Variants in SLC30A7 observed in about 807,000 individuals in gnomAD.
The protein encoded by SLC30A7 is solute carrier family 30 member 7.
A neutral mutation model predicts 46.0 loss-of-function variants in SLC30A7; 35 were observed. The ratio of observed to expected loss-of-function variants is 0.76; its 90% confidence interval spans 0.58 to 1.01. The LOEUF (loss-of-function observed/expected upper bound fraction) is 1.01, where lower values mean the gene tolerates loss of function less well. SLC30A7 is among the 50% of genes least tolerant of loss of function. The probability of loss-of-function intolerance (pLI) is 0.00; values close to 1 mark genes in which losing one functional copy is unlikely to be tolerated. For synonymous variants in SLC30A7, 147 were observed against 157.8 expected (o/e 0.93, Z 0.51); for missense variants, 464 against 451.1 (o/e 1.03, Z -0.26).
Position 100,961,873 on chromosome 1 carries a change from A to T in SLC30A7, c.888A>T (p.Arg296Ser). The change falls in exon 9 of 11, where the codon AGA becomes AGT. Residue 296 changes from arginine (R) to serine (S), a missense_variant. Transcript: ENST00000357650. Reference protein sequence around the residue: ...LRESVGILMQRTPPLLENSLP... With the variant: ...LRESVGILMQSTPPLLENSLP... ...AATCTGTTGGAATATTAATGCAGAG[A>T]ACTCCTCCCCTATTAGAAAATAGTC... The T allele has an allele frequency of 6.2e-7, 1 of 1,608,696 alleles. No homozygotes were observed. Among genetic ancestry groups the T allele is most frequent in the Non-Finnish European group, 8.5e-7 (1 of 1,176,558 alleles).
At chr1:100,959,516 C>G (rs1655422921) in intron 8 of SLC30A7, among the ~76,000 whole-genome samples, 1 of 152,152 alleles carries the variant, frequency 6.6e-6, no homozygotes, top group Admixed American at 6.5e-5. Flanking sequence ...TGAGCTCACT[C>G]AAGTGGTTAC....
At chr1:100,983,894 C>T (rs1287069973), downstream of SLC30A7, among the ~76,000 whole-genome samples, 1 of 152,200 alleles carries the variant, frequency 6.6e-6, no homozygotes, top group African/African-American at 2.4e-5. Context: ...GATTAGCCGT[C>T]GCTGTCTTCC....
chr1:100,905,556 C>T (rs1651602209), intron 2 of SLC30A7, among the ~76,000 whole-genome samples: 1 of 151,936 alleles, frequency 6.6e-6, no homozygotes, highest in Non-Finnish European at 1.5e-5. Flanking sequence ...TTTGATACGT[C>T]CAGACAGGTT....
At position 100,921,757 on chromosome 1, in the gene SLC30A7, C is replaced by T; in HGVS notation, c.758C>T (p.Ala253Val). Residue 253 changes from alanine (A) to valine (V), a missense_variant, in exon 8 of 11, where the codon GCT becomes GTT. By Grantham distance (64) the Ala-to-Val change is moderately conservative (BLOSUM62 0). Coordinates refer to ENST00000357650, the MANE Select transcript of SLC30A7 (RefSeq NM_133496.5). ...ADTLGSIGVI[A>V]SAIMMQNFGL... ...ACACTTGGAAGTATTGGTGTAATTGCTTCTGCCATCATGATGCAAAATTTT... is the reference window on the plus strand; with the variant it reads ...ACACTTGGAAGTATTGGTGTAATTGTTTCTGCCATCATGATGCAAAATTTT... 1 of 1,612,484 alleles carries T rather than the reference C, an allele frequency of 6.2e-7. No homozygotes were observed. The highest frequency in any genetic ancestry group is 1.1e-5 in the South Asian group (1 of 91,046).
intron 9 of SLC30A7, among the ~76,000 whole-genome samples, chr1:100,965,048 T>C (rs553777275): frequency 6.6e-4 from 101 of 152,320 alleles, no homozygotes; most frequent in African/African-American, 2.4e-3. Flanking sequence ...CCCAGGTAGA[T>C]TATGTAAAAA....
chr1:100,915,205 C>CT (rs1399202409), intron 6 of SLC30A7, among the ~76,000 whole-genome samples: 3,774 of 110,496 alleles, frequency 0.034, 71 homozygotes, highest in Middle Eastern at 0.078. Context: ...TTCTTTCTTT[C>CT]TTTCTTTCTT....
At chr1:100,900,862 A>G (rs776890719) in intron 2 of SLC30A7, among the ~76,000 whole-genome samples, 5 of 152,184 alleles carry the variant, frequency 3.3e-5, no homozygotes, top group Non-Finnish European at 7.4e-5. Flanking sequence ...ATATAAATAT[A>G]CCGTTAGCTT....
chr1:100,931,222 T>G (rs1254784490), intron 8 of SLC30A7, among the ~76,000 whole-genome samples: 2 of 152,292 alleles, frequency 1.3e-5, no homozygotes, highest in Non-Finnish European at 2.9e-5. Context: ...CCTCAACACT[T>G]TCTTAGGATC....
At chr1:100,956,392 G>A (rs1268362104) in intron 8 of SLC30A7, among the ~76,000 whole-genome samples, 4 of 152,136 alleles carry the variant, frequency 2.6e-5, no homozygotes, top group African/African-American at 9.7e-5. Context: ...TTTTTAAAAA[G>A]GTGGTGGCAG....
chr1:100,947,548 T>G (rs1426818099), intron 8 of SLC30A7, among the ~76,000 whole-genome samples: 1 of 152,096 alleles, frequency 6.6e-6, no homozygotes, highest in African/African-American at 2.4e-5. Flanking sequence ...GGGTGGAGAG[T>G]TCTGTAGATG....
At chr1:100,908,930 G>T (rs1307361160) in intron 3 of SLC30A7, among the ~76,000 whole-genome samples, 1 of 152,026 alleles carries the variant, frequency 6.6e-6, no homozygotes, top group Non-Finnish European at 1.5e-5. Flanking sequence ...ATGGTTTTTA[G>T]AAATAGCTTT....
the SLC30A7 span, among the ~76,000 whole-genome samples, chr1:100,987,981 A>T: frequency 6.6e-6 from 1 of 152,158 alleles, no homozygotes. Context: ...TCAGAATTCA[A>T]ACTTGAAACT....
chr1:100,962,537 T>A (rs978842981), intron 9 of SLC30A7, among the ~76,000 whole-genome samples: 1 of 152,190 alleles, frequency 6.6e-6, no homozygotes, highest in Non-Finnish European at 1.5e-5. Flanking sequence ...GGATTTAATT[T>A]GTGTTTGAAG....
At chr1:100,954,972 AG>A (rs1185845130) in intron 8 of SLC30A7, among the ~76,000 whole-genome samples, 1 of 152,042 alleles carries the variant, frequency 6.6e-6, no homozygotes, top group Non-Finnish European at 1.5e-5. Flanking sequence ...TTGTGTTTGT[AG>A]ATTGTAAGAA....
intron 5 of SLC30A7, among the ~76,000 whole-genome samples, 169 bp downstream of exon 5, chr1:100,912,407 T>A (rs547531680): frequency 1.3e-5 from 2 of 152,286 alleles, no homozygotes; most frequent in African/African-American, 2.4e-5. Flanking sequence ...TCTCAGTGCC[T>A]TCTCAGAGCT....
chr1:100,896,495 G>A, intron 1 of SLC30A7, 75 bp from the exon 2 acceptor site: 1 of 1,470,006 alleles, frequency 6.8e-7, no homozygotes, highest in Non-Finnish European at 9.5e-7. Flanking sequence ...GGAGGGTCTT[G>A]AAGAGGGTAC....
intron 6 of SLC30A7, among the ~76,000 whole-genome samples, chr1:100,917,795 A>G (rs1652668865): frequency 6.6e-6 from 1 of 152,174 alleles, no homozygotes; most frequent in South Asian, 2.1e-4. Flanking sequence ...TATTTTATGA[A>G]TACTGGAAGA....
chr1:100,933,601 G>A (rs756445432), intron 8 of SLC30A7, among the ~76,000 whole-genome samples: 2 of 151,944 alleles, frequency 1.3e-5, no homozygotes, highest in African/African-American at 2.4e-5. Context: ...AGTGTGTGAT[G>A]TTCCCCTTCC....
rs1198649571 is a variant in SLC30A7, at chr1:100,969,268, GACA to G, written c.1083+3355_1083+3357del. ...TCTTACACCTTCTACATGTTTCAGG[GACA>G]ACAAGATAACCAGGCTAGCAGTAAT... On this transcript the variant is annotated intron_variant, in intron 10 of 10. Transcript: ENST00000357650. Among the ~76,000 whole-genome samples the G allele has an allele frequency of 3.3e-5, 5 of 152,092 alleles. 1 individual carries two copies. The highest frequency in any genetic ancestry group is 9.7e-5 in the African/African-American group (4 of 41,402).
Sources: allele counts gnomAD v4.1 joint callset (sites outside exome capture counted in the v4.1 genomes callset), GRCh38; gene constraint gnomAD v4.1.1; transcripts MANE v1.5; gene names NCBI Gene and HGNC (gene_info 2026-07-23, HGNC 2026-07-21).